BOP1: variants seen among roughly 807,000 people sequenced by gnomAD.
BOP1 encodes BOP1 ribosomal biogenesis factor.
Under a neutral mutation model 82.9 loss-of-function variants are expected in BOP1, and 54 were observed. The ratio of observed to expected loss-of-function variants is 0.65; its 90% CI spans 0.52 to 0.82. The LOEUF (loss-of-function observed/expected upper bound fraction) is 0.82. BOP1 is among the 40% of genes least tolerant of loss of function. The pLI is 0.00. For missense variants in BOP1, 1,170 were observed against 1,072.0 expected (o/e 1.09, Z -1.28); for synonymous variants, 566 against 451.1 (o/e 1.25, Z -3.23).
chr8:144,278,306 G>A (rs1031784341), intron 2 of BOP1, among the ~76,000 whole-genome samples: 4 of 152,174 alleles, frequency 2.6e-5, no homozygotes, highest in African/African-American at 4.8e-5. Flanking sequence ...TGAACCCTGC[G>A]TGGCCTCTGC....
At chr8:144,276,345 G>A (rs1845567941) in intron 2 of BOP1, 41 bp from the exon 3 acceptor site, 1 of 1,604,264 alleles carries the variant, frequency 6.2e-7, no homozygotes, top group Non-Finnish European at 8.5e-7. Context: ...AGGGGATACA[G>A]GGTACCCTTT....
chr8:144,291,276 G>C lies in BOP1; in HGVS notation c.95C>G (p.Pro32Arg). The change falls in exon 1 of 16, where the codon CCG becomes CGG. Residue 32 changes from proline (P) to arginine (R), a missense_variant. Pro to Arg is a moderately radical substitution (Grantham distance 103). Coordinates refer to ENST00000569669, the MANE Select transcript of BOP1 (RefSeq NM_015201.5). This position sits in a 1 kb window ranked among gnomAD's most constrained non-coding sequence, Gnocchi z 4.1. Reference sequence around the variant, plus strand: ...GCCCCGCATCGCCACAGTCACCTCCGGCTCGGGCTCAGGCTCCAGTTCGGG... The same window carrying C: ...GCCCCGCATCGCCACAGTCACCTCCCGCTCGGGCTCAGGCTCCAGTTCGGG... ...SEPELEPEPE[P>R]EPPLLCTSPL... 1.4e-6 allele frequency: 2 copies of C among 1,459,734 alleles called. No individual in the cohort carries two copies. The highest frequency in any genetic ancestry group is 1.8e-6 in the Non-Finnish European group (2 of 1,107,930). 90.4% of individuals were successfully genotyped at this position (1,459,734 alleles called of 1,614,324 possible). A position where few individuals can be genotyped will look rare whatever the true frequency, so the allele number is the denominator to read the frequency against.
chr8:144,276,446 C>G, intron 2 of BOP1, 142 bp from the exon 3 acceptor site: 1 of 977,984 alleles, frequency 1.0e-6, no homozygotes, highest in South Asian at 1.4e-5. Context: ...CGAGAACACC[C>G]AGCTCTAAGG....
At chr8:144,283,101 G>C (rs868988508) in intron 2 of BOP1, among the ~76,000 whole-genome samples, 17 of 149,646 alleles carry the variant, frequency 1.1e-4, no homozygotes, top group African/African-American at 3.7e-4. Flanking sequence ...AGGAGGTTGA[G>C]GCACGAGAAT....
intron 1 of BOP1, among the ~76,000 whole-genome samples, chr8:144,290,297 C>T (rs1180465481): frequency 6.7e-6 from 1 of 149,974 alleles, no homozygotes; most frequent in Non-Finnish European, 1.5e-5. Context: ...CAAGACTGCA[C>T]CACTGCACTC....
At position 144,263,504 on chromosome 8, in the gene BOP1, G is replaced by A. The variant is rs1025796495; in HGVS notation, c.1398C>T (p.Pro466=). ...VVKSVAWNPS[P]AVCLVAAAVE... ...CGGCTGCAGCCACCAGGCAGACAGC[G>A]GGGCTGGGGTTCCAGGCCACACTCT... Residue 466 remains proline, a synonymous_variant, in exon 11 of 16, where the codon CCC becomes CCT. Transcript: ENST00000569669. 35 of 1,598,884 alleles carry A rather than the reference G, an allele frequency of 2.2e-5. No homozygotes were observed. Among genetic ancestry groups the A allele is most frequent in the Middle Eastern group, 3.7e-4 (2 of 5,414 alleles).
At chr8:144,277,422 G>C (rs1564600123) in intron 2 of BOP1, among the ~76,000 whole-genome samples, 2 of 152,336 alleles carry the variant, frequency 1.3e-5, no homozygotes, top group Admixed American at 6.5e-5. Flanking sequence ...ACGCGCACAA[G>C]GGCAGTTCCA....
At chr8:144,271,067 C>T (rs985411739) in intron 3 of BOP1, among the ~76,000 whole-genome samples, 1 of 131,602 alleles carries the variant, frequency 7.6e-6, no homozygotes, top group East Asian at 2.1e-4. Flanking sequence ...GGTCAGGCCC[C>T]GCACGGAGAG....
intron 15 of BOP1, 37 bp downstream of exon 15, chr8:144,262,359 T>C (rs1441185501): frequency 3.7e-6 from 6 of 1,612,456 alleles, no homozygotes; most frequent in Non-Finnish European, 4.2e-6. Context: ...CAGACACCAC[T>C]GCCCTGGGGA....
Position 144,291,208 on chromosome 8 carries a change from C to T in BOP1, c.99+64G>A, listed in dbSNP as rs978106017. On this transcript the variant is annotated intron_variant, in intron 1 of 15. Transcript: ENST00000569669. The surrounding 1 kb of genome is among the most constrained non-coding windows in gnomAD (Gnocchi z 4.1). ...CAGAAGCCGGGCCCACCCGCCCCAG[C>T]GCGGCCACGTGCCCGCCGGGCCCTC... The T allele has an allele frequency of 1.2e-5, 16 of 1,327,794 alleles. No individual in the cohort carries two copies. Among genetic ancestry groups the T allele is most frequent in the African/African-American group, 1.6e-5 (1 of 63,480 alleles). The allele number at this position is 1,327,794 out of a possible 1,614,324, so 82.3% of individuals were successfully genotyped here. A position where few individuals can be genotyped will look rare whatever the true frequency, so the allele number is the denominator to read the frequency against.
rs1306223086 is a variant in BOP1 at position 144,264,501 on chromosome 8, GCTGTGTGC to G, written c.765+6_765+13del. 49 of 1,609,060 alleles carry G rather than the reference GCTGTGTGC, an allele frequency of 3.0e-5. No homozygotes were observed. Among genetic ancestry groups the G allele is most frequent in the Non-Finnish European group, 3.7e-5 (44 of 1,178,936 alleles). ...GGTCAGCCCAGGCCAAGCCCCAGGG[GCTGTGTGC>G]CCCACCTTCTCCTTCTCCACCAGGG... On this transcript the variant is annotated splice_donor_region_variant and intron_variant, in intron 6 of 15. Transcript: ENST00000569669.
In BOP1 at chr8:144,267,962, A is replaced by G. The variant is rs891347349; in HGVS notation, c.391-2891T>C. 9.1e-6 allele frequency: 12 copies of G among 1,316,180 alleles called. No individual in the cohort carries two copies. The Admixed American group carries it at 9.9e-5, about 11-fold the overall frequency. 81.5% of individuals were successfully genotyped at this position (1,316,180 alleles called of 1,614,324 possible). A position where few individuals can be genotyped will look rare whatever the true frequency, so the allele number is the denominator to read the frequency against. ...GCAGCAGTATGCTCCCCTCCCCAAAACGCTTGAGGGAAGCTGGGGAGAGCC... is the reference window on the plus strand; with the variant it reads ...GCAGCAGTATGCTCCCCTCCCCAAAGCGCTTGAGGGAAGCTGGGGAGAGCC... On this transcript the variant is annotated intron_variant, in intron 3 of 15. Transcript: ENST00000569669.
Position 144,263,145 on chromosome 8 carries a change from C to T in BOP1, c.1606-4G>A, listed in dbSNP as rs1402457550. 9 of 1,593,528 alleles carry T rather than the reference C, an allele frequency of 5.6e-6. No individual in the cohort carries two copies. Among genetic ancestry groups the T allele is most frequent in the Non-Finnish European group, 7.6e-6 (9 of 1,178,834 alleles). On this transcript the variant is annotated splice_region_variant and splice_polypyrimidine_tract_variant and intron_variant, in intron 12 of 15. Transcript: ENST00000569669. ...GCCAGGTCACCTGCGTCACTGGCTG[C>T]AGGAGAGCAAGGCTGGCTGAGTGGC...
rs1046371537 is a variant in BOP1, at chr8:144,262,134, G to C, written c.*30C>G. On this transcript the variant is annotated 3_prime_UTR_variant, in exon 16 of 16. Transcript: ENST00000569669. ...GTAAAGGCTCTGTTGACTTCAGCAC[G>C]ACCACCCCAGCCCCAGGCAGGCAGA... 1 of 1,611,112 alleles carries C rather than the reference G, an allele frequency of 6.2e-7. No homozygotes were observed. Among genetic ancestry groups the C allele is most frequent in the African/African-American group, 1.3e-5 (1 of 74,862 alleles).
chr8:144,277,269 A>G, intron 2 of BOP1, among the ~76,000 whole-genome samples: 1 of 152,164 alleles, frequency 6.6e-6, no homozygotes, highest in East Asian at 1.9e-4. Flanking sequence ...CAGGCCAGGA[A>G]CAAGGAAGGA....
intron 3 of BOP1, among the ~76,000 whole-genome samples, chr8:144,268,941 C>A (rs925703453): frequency 2.3e-5 from 3 of 133,142 alleles, no homozygotes; most frequent in African/African-American, 7.5e-5. Flanking sequence ...TGCTGCCCAG[C>A]GGAGGGGGGG....
intron 3 of BOP1, among the ~76,000 whole-genome samples, chr8:144,274,672 A>G (rs1184365153): frequency 1.3e-5 from 2 of 152,162 alleles, no homozygotes; most frequent in African/African-American, 4.8e-5. Flanking sequence ...TCACTGGAGG[A>G]AGCAGCCCCC....
chr8:144,266,687 A>C, intron 3 of BOP1: 2 of 1,239,520 alleles, frequency 1.6e-6, no homozygotes, highest in Non-Finnish European at 2.1e-6. Context: ...CTGTCGGAGG[A>C]CGAGGACCGC....
At chr8:144,262,540 C>T in intron 14 of BOP1, 37 bp from the exon 15 acceptor site, 1 of 1,612,922 alleles carries the variant, frequency 6.2e-7, no homozygotes, top group Non-Finnish European at 8.5e-7. Flanking sequence ...CAGGCTCGGG[C>T]TGAAGGGAGG....
Sources: allele counts gnomAD v4.1 joint callset (sites outside exome capture counted in the v4.1 genomes callset), GRCh38; gene constraint gnomAD v4.1.1; non-coding constraint Gnocchi (gnomAD v3.1); transcripts MANE v1.5; gene names NCBI Gene and HGNC (gene_info 2026-07-23, HGNC 2026-07-21).